Variants in NLRP11 observed in about 807,000 individuals in gnomAD.
NLRP11 encodes NLR family pyrin domain containing 11.
A neutral mutation model predicts 79.3 loss-of-function variants in NLRP11; 53 were observed. The observed-to-expected ratio is 0.67, with a 90% CI of 0.54 to 0.84. The LOEUF is 0.84. NLRP11 is among the 40% of genes least tolerant of loss of function. The pLI, the probability that NLRP11 is intolerant of heterozygous loss-of-function variation, is 0.00. For synonymous variants in NLRP11, 518 were observed against 462.6 expected (o/e 1.12, Z -1.54); for missense variants, 1,264 against 1,255.0 (o/e 1.01, Z -0.11).
intron 6 of NLRP11, among the ~76,000 whole-genome samples, chr19:55,795,287 A>C (rs1377200515): frequency 6.6e-6 from 1 of 152,046 alleles, no homozygotes; most frequent in Non-Finnish European, 1.5e-5. Flanking sequence ...TCTTGAAAGG[A>C]GACTCAGGGG....
intron 4 of NLRP11, among the ~76,000 whole-genome samples, chr19:55,805,020 G>GC (rs67692352): frequency 1 from 152,170 of 152,170 alleles, 76,085 homozygotes; most frequent in Non-Finnish European, 1. Flanking sequence ...CTGAGATCAC[G>GC]CACTGCACTC....
chr19:55,794,728 C>T (rs146001226), intron 6 of NLRP11, among the ~76,000 whole-genome samples: 2 of 151,950 alleles, frequency 1.3e-5, no homozygotes, highest in Non-Finnish European at 2.9e-5. Context: ...CCACCGCACT[C>T]CAGCCTGGGC....
intron 1 of NLRP11, among the ~76,000 whole-genome samples, chr19:55,829,476 G>T (rs748440709): frequency 2.0e-5 from 3 of 151,888 alleles, no homozygotes; most frequent in Non-Finnish European, 4.4e-5. Flanking sequence ...CCCTATCCTG[G>T]CTAACACAGT....
chr19:55,786,018 G>A, intron 9 of NLRP11, 147 bp from the exon 10 acceptor site: 1 of 765,958 alleles, frequency 1.3e-6, no homozygotes, highest in Middle Eastern at 3.6e-4. Flanking sequence ...ATCTGTTCCA[G>A]ACTGAAAACC....
exon 10 of NLRP11, chr19:55,785,686 T>G: frequency 6.2e-7 from 1 of 1,614,100 alleles, no homozygotes; most frequent in East Asian, 2.2e-5. Flanking sequence ...TCTGGGAAAT[T>G]TGAAAAACAT....
At chr19:55,828,329 G>A (rs1195897881) in intron 1 of NLRP11, among the ~76,000 whole-genome samples, 1 of 151,476 alleles carries the variant, frequency 6.6e-6, no homozygotes, top group Non-Finnish European at 1.5e-5. Context: ...TGACAAGTTA[G>A]TGGGTGCAGC....
intron 1 of NLRP11, among the ~76,000 whole-genome samples, chr19:55,818,539 G>C (rs1206721888): frequency 1.3e-5 from 2 of 152,188 alleles, no homozygotes; most frequent in Non-Finnish European, 2.9e-5. Flanking sequence ...CTTTGGAGGG[G>C]AGTGTTTCTT....
At chr19:55,814,124 G>T (rs867435260) in intron 2 of NLRP11, among the ~76,000 whole-genome samples, 1 of 152,122 alleles carries the variant, frequency 6.6e-6, no homozygotes, top group African/African-American at 2.4e-5. Flanking sequence ...CCTCCTGTCA[G>T]ATCAGTGGGA....
intron 1 of NLRP11, among the ~76,000 whole-genome samples, chr19:55,820,597 CAT>C (rs1981597302): frequency 6.6e-6 from 1 of 152,140 alleles, no homozygotes; most frequent in Admixed American, 6.5e-5. Flanking sequence ...CTTTTCGTCT[CAT>C]GTATATTTTT....
chr19:55,818,375 G>T (rs1183025865), intron 1 of NLRP11, 139 bp from the exon 2 acceptor site: 2 of 566,762 alleles, frequency 3.5e-6, no homozygotes, highest in Non-Finnish European at 6.2e-6. Flanking sequence ...AACTCTTTCT[G>T]TCTGGGTCAA....
intron 5 of NLRP11, among the ~76,000 whole-genome samples, chr19:55,799,726 G>A (rs1979291222): frequency 6.6e-6 from 1 of 152,140 alleles, no homozygotes; most frequent in African/African-American, 2.4e-5. Context: ...GGGGCTGGGT[G>A]CAGTGGCTTC....
At chr19:55,834,779 T>C (rs1478845012), upstream of NLRP11, among the ~76,000 whole-genome samples, 3 of 152,182 alleles carry the variant, frequency 2.0e-5, no homozygotes, top group African/African-American at 7.2e-5. Flanking sequence ...AGGCAAGACC[T>C]AGAAATGAAC....
intron 4 of NLRP11, among the ~76,000 whole-genome samples, chr19:55,802,217 A>T (rs1194076700): frequency 6.6e-6 from 1 of 152,140 alleles, no homozygotes; most frequent in East Asian, 1.9e-4. Context: ...GGAAGAGAAG[A>T]AGTCAAACTA....
At chr19:55,827,822 T>C (rs1982376664) in intron 1 of NLRP11, among the ~76,000 whole-genome samples, 1 of 150,438 alleles carries the variant, frequency 6.6e-6, no homozygotes, top group Non-Finnish European at 1.5e-5. Flanking sequence ...TTGGTGGGAC[T>C]GTAAAGTAGT....
chr19:55,810,195 T>C lies in NLRP11; in HGVS notation c.415A>G (p.Thr139Ala), dbSNP rs1196423555. 8 of 1,614,128 alleles carry C rather than the reference T, an allele frequency of 5.0e-6. No homozygotes were observed. Among genetic ancestry groups the C allele is most frequent in the Non-Finnish European group, 6.8e-6 (8 of 1,179,960 alleles). Residue 139 changes from threonine to alanine, a missense_variant, in exon 3 of 10, where the codon ACC becomes GCC. Thr to Ala is a moderately conservative substitution (Grantham distance 58, BLOSUM62 0). Transcript: ENST00000589093. Reference sequence around the variant, plus strand: ...AGATTGTTTGCTGAATAATAGCTGGTAGAATCATAGGCTAATTGAAGTATG... The same window carrying C: ...AGATTGTTTGCTGAATAATAGCTGGCAGAATCATAGGCTAATTGAAGTATG...
At chr19:55,835,466 C>T (rs1055659362), upstream of NLRP11, among the ~76,000 whole-genome samples, 7 of 152,106 alleles carry the variant, frequency 4.6e-5, no homozygotes, top group Admixed American at 3.3e-4. Context: ...TTTGGGAGGC[C>T]GAGGCGGGCA....
chr19:55,821,203 T>TCACACACACACACACACA (rs1211992513), intron 1 of NLRP11, among the ~76,000 whole-genome samples: 1 of 113,202 alleles, frequency 8.8e-6, no homozygotes, highest in East Asian at 2.6e-4. Flanking sequence ...TCTCTCTCTC[T>TCACACACACACACACACA]CTCACACACA....
chr19:55,819,987 T>A (rs1301682982), intron 1 of NLRP11, among the ~76,000 whole-genome samples: 1 of 152,158 alleles, frequency 6.6e-6, no homozygotes, highest in African/African-American at 2.4e-5. Context: ...AAGATACTCA[T>A]GATCCCCCAA....
At chr19:55,808,138 C>G (rs111317912) in intron 3 of NLRP11, 124 bp from the exon 4 acceptor site, 16 of 601,456 alleles carry the variant, frequency 2.7e-5, no homozygotes, top group African/African-American at 2.2e-4. Context: ...TACCATGCAG[C>G]AAGAAATAAA....
Sources: gnomAD v4.1 joint callset for allele counts (sites outside exome capture counted in the v4.1 genomes callset) on GRCh38, gnomAD v4.1.1 for gene constraint, MANE v1.5 for transcripts, NCBI Gene and HGNC (gene_info 2026-07-23, HGNC 2026-07-21) for gene names.